ZIM3: variants seen among roughly 807,000 people sequenced by gnomAD.
ZIM3 encodes the protein zinc finger imprinted 3.
In ZIM3, 11 loss-of-function variants were observed where a neutral mutation model predicts 12.9. The ratio of observed to expected loss-of-function variants is 0.85; its 90% CI spans 0.54 to 1.41. ZIM3 has a LOEUF of 1.41. Ranked by LOEUF, ZIM3 falls within the 40% of genes most tolerant of loss-of-function variation. ZIM3 has a pLI of 0.00. For missense variants in ZIM3, 604 were observed against 557.2 expected (o/e 1.08, Z -0.85); for synonymous variants, 205 against 198.5 (o/e 1.03, Z -0.28).
In ZIM3 at chr19:57,134,739, T is replaced by C. The variant is rs568310331; in HGVS notation, c.*179A>G. The C allele has an allele frequency of 2.1e-4, 129 of 612,190 alleles. 4 individuals are homozygous for C. The highest frequency in any genetic ancestry group is 1.5e-3 in the South Asian group (63 of 42,450). The allele number at this position is 612,190 out of a possible 1,614,324, so 37.9% of individuals were successfully genotyped here. On this transcript the variant is annotated 3_prime_UTR_variant, in exon 5 of 5. Transcript: ENST00000269834. ...ACAAAAGGCATCTAATAAATATTTATACTTAATAAACATTTGCTGAGTGAG... is the reference window on the plus strand; with the variant it reads ...ACAAAAGGCATCTAATAAATATTTACACTTAATAAACATTTGCTGAGTGAG...
rs1223681026 is a variant in ZIM3 at position 57,144,240 on chromosome 19, G to T, written c.-43+619C>A. 2.6e-5 allele frequency among the ~76,000 whole-genome samples: 4 copies of T among 151,540 alleles called. No homozygotes were observed. In the South Asian group the frequency reaches 6.3e-4, roughly 24 times the overall value. ...TAACTTTTTATTTTTTGTAAAGAAGGGATCTTGCTATGTCACCTAAACTGG... is the reference window on the plus strand; with the variant it reads ...TAACTTTTTATTTTTTGTAAAGAAGTGATCTTGCTATGTCACCTAAACTGG... On this transcript the variant is annotated intron_variant, in intron 1 of 4. Coordinates refer to ENST00000269834, the MANE Select transcript of ZIM3 (RefSeq NM_052882.1).
At chr19:57,140,468 A>G (rs912273360) in intron 2 of ZIM3, among the ~76,000 whole-genome samples, 1 of 148,834 alleles carries the variant, frequency 6.7e-6, no homozygotes, top group African/African-American at 2.5e-5. Flanking sequence ...GAGCCACCGC[A>G]CCCGGCCTTT....
chr19:57,142,655 C>A lies in ZIM3; in HGVS notation c.-12G>T, dbSNP rs2122670722. The A allele has an allele frequency of 6.2e-7, 1 of 1,613,404 alleles. No homozygotes were observed. Among genetic ancestry groups the A allele is most frequent in the Non-Finnish European group, 8.5e-7 (1 of 1,179,622 alleles). ...TGGGAATTGTTCATTTCCTGTTCTTCACCAGTCAGTAAAGTCTTGGGAAGG... is the reference window on the plus strand; with the variant it reads ...TGGGAATTGTTCATTTCCTGTTCTTAACCAGTCAGTAAAGTCTTGGGAAGG... On this transcript the variant is annotated 5_prime_UTR_variant, in exon 2 of 5. The change abolishes the stop of an existing upstream ORF in the 5' untranslated region. Coordinates refer to ENST00000269834, the MANE Select transcript of ZIM3 (RefSeq NM_052882.1).
At chr19:57,138,414 T>G in intron 3 of ZIM3, 58 bp downstream of exon 3, 1 of 1,612,676 alleles carries the variant, frequency 6.2e-7, no homozygotes, top group Non-Finnish European at 8.5e-7. Context: ...AGCCATGGGG[T>G]GTCTGTGTGT....
chr19:57,140,631 T>C (rs1049189143), intron 2 of ZIM3, among the ~76,000 whole-genome samples: 2 of 152,004 alleles, frequency 1.3e-5, no homozygotes, highest in Non-Finnish European at 2.9e-5. Flanking sequence ...TGCACCACCA[T>C]GCTAAGCTCA....
rs149946591 is a variant in ZIM3, at chr19:57,134,722, C to T, written c.*196G>A. On this transcript the variant is annotated 3_prime_UTR_variant, in exon 5 of 5. Transcript: ENST00000269834. ...TTAAGAGTTCCTGGTACACAAAAGG[C>T]ATCTAATAAATATTTATACTTAATA... is the stretch of plus-strand genomic sequence containing the variant. 1.3e-3 allele frequency: 719 copies of T among 560,020 alleles called. 5 individuals carry two copies. The highest frequency in any genetic ancestry group is 0.012 in the African/African-American group (662 of 53,572). The allele number at this position is 560,020 out of a possible 1,614,324, so 34.7% of individuals were successfully genotyped here.
chr19:57,136,933 A>G lies in ZIM3; in HGVS notation c.181T>C (p.Leu61=). 1 of 1,613,970 alleles carries G rather than the reference A, an allele frequency of 6.2e-7. No individual in the cohort carries two copies. The highest frequency in any genetic ancestry group is 1.1e-5 in the South Asian group (1 of 91,072). The change falls in exon 4 of 5, where the codon TTG becomes CTG. Residue 61 remains leucine (L), a synonymous_variant. Coordinates refer to ENST00000269834, the MANE Select transcript of ZIM3 (RefSeq NM_052882.1). ...AACCATGGCTCCTTTCCTTGTTCCA[A>G]CCTCAAGATCACATCGGGTTTGGTG... ...ETTKPDVILR[L]EQGKEPWLEE... is the part of the protein sequence containing the mutation.
Position 57,134,902 on chromosome 19 carries a change from T to A in ZIM3, c.*16A>T. On this transcript the variant is annotated 3_prime_UTR_variant, in exon 5 of 5. Transcript: ENST00000269834. ...GCAACCATATCTTCCCATGTTTTTT[T>A]AAGTGCATGGGGCTCCTATCTGGAG... The A allele has an allele frequency of 6.4e-7, 1 of 1,572,380 alleles. No homozygotes were observed. Among genetic ancestry groups the A allele is most frequent in the East Asian group, 2.2e-5 (1 of 44,448 alleles).
At chr19:57,143,943 T>C (rs2086926334) in intron 1 of ZIM3, among the ~76,000 whole-genome samples, 1 of 152,196 alleles carries the variant, frequency 6.6e-6, no homozygotes, top group East Asian at 1.9e-4. Context: ...CCCAAAGTGC[T>C]GGGATTATAG....
chr19:57,137,948 AAAG>A (rs2086895556), intron 3 of ZIM3, among the ~76,000 whole-genome samples: 2 of 59,370 alleles, frequency 3.4e-5, no homozygotes, highest in African/African-American at 8.6e-5. Flanking sequence ...GGAAGGAAGG[AAAG>A]AAGGAAGGAA....
chr19:57,136,955 G>A lies in ZIM3; in HGVS notation c.159C>T (p.Thr53=), dbSNP rs748495130. Residue 53 remains threonine, a synonymous_variant, in exon 4 of 5, where the codon ACC becomes ACT. Coordinates refer to ENST00000269834, the MANE Select transcript of ZIM3 (RefSeq NM_052882.1). Reference sequence around the variant, plus strand: ...CCAACCTCAAGATCACATCGGGTTTGGTGGTTTCCCCTTGTCCTGTGATGG... The same window carrying A: ...CCAACCTCAAGATCACATCGGGTTTAGTGGTTTCCCCTTGTCCTGTGATGG... The part of the protein sequence containing the change: ...NLVSVGQGET[T]KPDVILRLEQ... 1.2e-6 allele frequency: 2 copies of A among 1,614,174 alleles called. No individual in the cohort carries two copies. The highest frequency in any genetic ancestry group is 2.2e-5 in the South Asian group (2 of 91,082).
rs1418094435 is a variant in ZIM3, at chr19:57,135,766, AG to A, written c.570del (p.Cys191ValfsTer133). ...CTATGACATTCAAAGGGTTTTTGAC[AG>A]GCATGCCTCCTCAGGTGACTTTGAA... ...SRLQSHLRRHACQKPFECHSC... is the reference protein window; with the variant it reads ...SRLQSHLRRHXCQKPFECHSC... On this transcript the variant is annotated frameshift_variant, in exon 5 of 5. Coordinates refer to ENST00000269834, the MANE Select transcript of ZIM3 (RefSeq NM_052882.1). LOFTEE classifies it low-confidence loss of function (END_TRUNC). 1.9e-6 allele frequency: 3 copies of A among 1,614,076 alleles called. No individual in the cohort carries two copies. The highest frequency in any genetic ancestry group is 2.2e-5 in the South Asian group (2 of 91,086).
chr19:57,135,420 G>T lies in ZIM3; in HGVS notation c.917C>A (p.Pro306His). 6.2e-7 allele frequency: 1 copy of T among 1,614,118 alleles called. No individual in the cohort carries two copies. Among genetic ancestry groups the T allele is most frequent in the Non-Finnish European group, 8.5e-7 (1 of 1,180,024 alleles). ...CTTTCCACAGTCCGTACATTGAAAG[G>T]GTTTTTGTCCAGTGTGAACTTTTTT... ...QHKKVHTGQKPFQCTDCGKAF... is the reference protein window; with the variant it reads ...QHKKVHTGQKHFQCTDCGKAF... The change falls in exon 5 of 5, where the codon CCC becomes CAC. Residue 306 changes from proline to histidine, a missense_variant. Physicochemically the swap from Pro to His is moderately conservative, Grantham distance 77. Coordinates refer to ENST00000269834, the MANE Select transcript of ZIM3 (RefSeq NM_052882.1).
rs552001483 is a variant in ZIM3 at position 57,137,321 on chromosome 19, C to G, written c.143-350G>C. On this transcript the variant is annotated intron_variant, in intron 3 of 4. Coordinates refer to ENST00000269834, the MANE Select transcript of ZIM3 (RefSeq NM_052882.1). ...TACATGTAACATGAAGATAGCAAGACCCAGTCTCTACAAAACCAAAGCCAC... is the reference window on the plus strand; with the variant it reads ...TACATGTAACATGAAGATAGCAAGAGCCAGTCTCTACAAAACCAAAGCCAC... Among the ~76,000 whole-genome samples, 22 of 152,220 alleles carry G rather than the reference C, an allele frequency of 1.4e-4. 1 individual carries two copies. Among genetic ancestry groups the G allele is most frequent in the Admixed American group, 1.2e-3 (19 of 15,278 alleles).
rs147553820 is a variant in ZIM3, at chr19:57,135,861, G to C, written c.476C>G (p.Pro159Arg). 1.2e-6 allele frequency: 2 copies of C among 1,613,906 alleles called. No individual in the cohort carries two copies. Among genetic ancestry groups the C allele is most frequent in the Non-Finnish European group, 1.7e-6 (2 of 1,180,022 alleles). ...NGYRKLVGNN[P>R]SKFVGQQLKC... ...CAGTTGTTGTCCTACAAATTTGGAT[G>C]GATTATTGCCAACTAATTTTCTGTA... The change falls in exon 5 of 5, where the codon CCA (proline) becomes CGA (arginine). Residue 159 changes from proline to arginine, a missense_variant. Transcript: ENST00000269834.
In ZIM3 at chr19:57,135,018, G is replaced by A. The variant is rs369301900; in HGVS notation, c.1319C>T (p.Thr440Ile). Residue 440 changes from threonine to isoleucine, a missense_variant, in exon 5 of 5, where the codon ACC becomes ATC. Thr to Ile is a moderately conservative substitution (Grantham distance 89). Transcript: ENST00000269834. ...TCCATAAGGTTTTTGTCCAGTATGG[G>A]TTTTTTTATGCAAACTAAGGTTTAA... is the stretch of plus-strand genomic sequence containing the variant. Reference protein sequence around the residue: ...RKLNLSLHKKTHTGQKPYGCS... With the variant: ...RKLNLSLHKKIHTGQKPYGCS... The A allele has an allele frequency of 3.1e-6, 5 of 1,613,926 alleles. No individual in the cohort carries two copies. Among genetic ancestry groups the A allele is most frequent in the Admixed American group, 1.7e-5 (1 of 59,982 alleles).
chr19:57,143,168 A>G (rs2086921461), intron 1 of ZIM3, among the ~76,000 whole-genome samples: 1 of 152,100 alleles, frequency 6.6e-6, no homozygotes, highest in Non-Finnish European at 1.5e-5. Context: ...TCTACTAAAA[A>G]TACAAAAACA....
intron 3 of ZIM3, among the ~76,000 whole-genome samples, chr19:57,137,878 GGAAGGAAGGAAA>G (rs1568458752): frequency 1.3e-3 from 66 of 49,200 alleles, no homozygotes; most frequent in African/African-American, 3.1e-3. Flanking sequence ...AAAGAAGGAA[GGAAGGAAGGAAA>G]GAAGGAAGGA....
intron 1 of ZIM3, among the ~76,000 whole-genome samples, chr19:57,143,093 C>T (rs1315953798): frequency 2.6e-5 from 4 of 151,788 alleles, no homozygotes; most frequent in Non-Finnish European, 5.9e-5. Flanking sequence ...TTTGGGAGGC[C>T]GAGGCAGGCG....
Sources: allele counts gnomAD v4.1 joint callset (sites outside exome capture counted in the v4.1 genomes callset), GRCh38; gene constraint gnomAD v4.1.1; transcripts MANE v1.5; gene names NCBI Gene and HGNC (gene_info 2026-07-23, HGNC 2026-07-21).